SEL1L3: variants seen among roughly 807,000 people sequenced by gnomAD.
The protein encoded by SEL1L3 is SEL1L family member 3.
A neutral mutation model predicts 142.8 loss-of-function variants in SEL1L3; 76 were observed. That is an observed-to-expected ratio of 0.53 (90% CI 0.44 to 0.64). The LOEUF is 0.64. Among genes scored for constraint, SEL1L3 ranks in the 30% least tolerant of loss-of-function variants. The pLI is 0.00. For missense variants in SEL1L3, 1,262 were observed against 1,381.7 expected (o/e 0.91, Z 1.37); for synonymous variants, 504 against 519.6 (o/e 0.97, Z 0.41).
chr4:25,782,461 A>G, intron 14 of SEL1L3, 43 bp from the exon 15 acceptor site: 1 of 1,552,700 alleles, frequency 6.4e-7, no homozygotes, highest in Middle Eastern at 1.7e-4. Flanking sequence ...AGAAAAATGA[A>G]ATCTAGAGAG....
At position 25,821,258 on chromosome 4, in the gene SEL1L3, G is replaced by C. The variant is rs1168963700; in HGVS notation, c.1290+738C>G. On this transcript the variant is annotated intron_variant, in intron 7 of 23. Transcript: ENST00000399878. ...CCCCATTTTTCCTGATTATGACTTT[G>C]CCTAGTGACCCCTGTTTTTCTCAGA... is the stretch of plus-strand genomic sequence containing the variant. Among the ~76,000 whole-genome samples the C allele has an allele frequency of 3.3e-5, 5 of 152,206 alleles. No homozygotes were observed. The East Asian group carries it at 9.6e-4, about 29-fold the overall frequency.
intron 4 of SEL1L3, 67 bp downstream of exon 4, chr4:25,833,381 A>G (rs955778824): frequency 8.3e-6 from 12 of 1,450,010 alleles, no homozygotes; most frequent in Non-Finnish European, 9.5e-6. Flanking sequence ...CTAGACAGAC[A>G]TATCTGTCAC....
rs111780503 is a variant in SEL1L3 at position 25,833,985 on chromosome 4, T to A, written c.861-416A>T. 9.8e-3 allele frequency among the ~76,000 whole-genome samples: 1,488 copies of A among 152,352 alleles called. 24 individuals carry two copies. The highest frequency in any genetic ancestry group is 0.034 in the African/African-American group (1,408 of 41,590). On this transcript the variant is annotated intron_variant, in intron 3 of 23. Transcript: ENST00000399878. Reference sequence around the variant, plus strand: ...AAAAGAAAAAACATAATTAGAGCCTTTTGAGCAATTTTGTTCCTTTCACAG... The same window carrying A: ...AAAAGAAAAAACATAATTAGAGCCTATTGAGCAATTTTGTTCCTTTCACAG...
intron 2 of SEL1L3, among the ~76,000 whole-genome samples, chr4:25,845,076 G>A (rs1716424504): frequency 6.6e-6 from 1 of 152,222 alleles, no homozygotes; most frequent in Non-Finnish European, 1.5e-5. Flanking sequence ...GGTAAAATCT[G>A]AGTAAGGTCT....
At chr4:25,811,411 G>A (rs1217475179) in intron 9 of SEL1L3, among the ~76,000 whole-genome samples, 1 of 152,174 alleles carries the variant, frequency 6.6e-6, no homozygotes, top group East Asian at 1.9e-4. Context: ...GAGGAAACAG[G>A]CTGAGGGAGA....
intron 1 of SEL1L3, among the ~76,000 whole-genome samples, chr4:25,855,685 T>G (rs1159178435): frequency 6.6e-6 from 1 of 151,764 alleles, no homozygotes; most frequent in African/African-American, 2.4e-5. Flanking sequence ...CACTTGAAAC[T>G]GGGAGGTGGA....
At position 25,849,103 on chromosome 4, in the gene SEL1L3, C is replaced by T. The variant is rs1156676210; in HGVS notation, c.163-1239G>A. On this transcript the variant is annotated intron_variant, in intron 1 of 23. Transcript: ENST00000399878. ...GCAGTGAGCCAAGATCACACCACTGCACTCCACCCTGGGCAACAGAGTGAG... is the reference window on the plus strand; with the variant it reads ...GCAGTGAGCCAAGATCACACCACTGTACTCCACCCTGGGCAACAGAGTGAG... 5.9e-5 allele frequency among the ~76,000 whole-genome samples: 9 copies of T among 152,332 alleles called. No individual in the cohort carries two copies. In the East Asian group the frequency reaches 1.7e-3, roughly 29 times the overall value.
At chr4:25,804,111 C>T (rs527641579) in intron 10 of SEL1L3, among the ~76,000 whole-genome samples, 3 of 152,336 alleles carry the variant, frequency 2.0e-5, no homozygotes, top group South Asian at 2.1e-4. Context: ...ATGAAGCCGT[C>T]TGGTATGGCG....
In SEL1L3 at chr4:25,862,703, G is replaced by A; in HGVS notation, c.134C>T (p.Ala45Val). 1 of 1,302,160 alleles carries A rather than the reference G, an allele frequency of 7.7e-7. No individual in the cohort carries two copies. The highest frequency in any genetic ancestry group is 2.2e-5 in the South Asian group (1 of 45,844). The allele number at this position is 1,302,160 out of a possible 1,614,324, so 80.7% of individuals were successfully genotyped here. A position where few individuals can be genotyped will look rare whatever the true frequency, so the allele number is the denominator to read the frequency against. Reference sequence around the variant, plus strand: ...GTAGCAGAGCAGGAGCAGCGCGCAGGCAGAGCGGCCGCCGAGGCCCTGGGG... The same window carrying A: ...GTAGCAGAGCAGGAGCAGCGCGCAGACAGAGCGGCCGCCGAGGCCCTGGGG... Reference protein sequence around the residue: ...GVPQGLGGRSACALLLLCYLN... With the variant: ...GVPQGLGGRSVCALLLLCYLN... Residue 45 changes from alanine to valine, a missense_variant, in exon 1 of 24, where the codon GCC becomes GTC. By Grantham distance (64) the Ala-to-Val change is moderately conservative (BLOSUM62 0). Around this residue, in one of 3 missense-constraint regions of SEL1L3, gnomAD observed 689 missense variants for 692.8 expected, o/e 0.99. Coordinates refer to ENST00000399878, the MANE Select transcript of SEL1L3 (RefSeq NM_015187.5).
the SEL1L3 span, among the ~76,000 whole-genome samples, chr4:25,728,802 G>A: frequency 6.6e-6 from 1 of 151,316 alleles, no homozygotes; most frequent in African/African-American, 2.4e-5. Context: ...GAGCCCGGGA[G>A]GCAGAGGCTG....
chr4:25,811,875 A>G (rs1057184531), intron 9 of SEL1L3, among the ~76,000 whole-genome samples: 3 of 152,078 alleles, frequency 2.0e-5, no homozygotes, highest in Non-Finnish European at 2.9e-5. Flanking sequence ...TTAAAATGCA[A>G]TGCTTTTATA....
intron 20 of SEL1L3, 55 bp from the exon 21 acceptor site, chr4:25,759,123 C>T (rs945429951): frequency 1.3e-6 from 2 of 1,578,364 alleles, no homozygotes; most frequent in African/African-American, 1.4e-5. Flanking sequence ...AACCTAGACA[C>T]ACACTCTTCA....
chr4:25,739,227 CA>C, the SEL1L3 span, among the ~76,000 whole-genome samples: 3 of 151,188 alleles, frequency 2.0e-5, no homozygotes, highest in African/African-American at 7.3e-5. Flanking sequence ...AAAACAAAAA[CA>C]ACAACAACAA....
chr4:25,800,114 C>A (rs944926210), intron 11 of SEL1L3, among the ~76,000 whole-genome samples: 2 of 152,130 alleles, frequency 1.3e-5, no homozygotes, highest in Non-Finnish European at 2.9e-5. Context: ...ATGATGTGAA[C>A]CACGAGTTAC....
At chr4:25,714,488 CTCTTTCTTTCTTTTTCTTTCTT>C in the SEL1L3 span, among the ~76,000 whole-genome samples, 7,455 of 138,216 alleles carry the variant, frequency 0.054, 229 homozygotes, top group Middle Eastern at 0.08. Context: ...TTCTTTCTTT[CTCTTTCTTTCTTTTTCTTTCTT>C]TCTTTCTTTC....
Position 25,790,242 on chromosome 4 carries a change from T to C in SEL1L3, c.2076+213A>G, listed in dbSNP as rs544233621. Among the ~76,000 whole-genome samples, 9 of 152,338 alleles carry C rather than the reference T, an allele frequency of 5.9e-5. No individual in the cohort carries two copies. The East Asian group carries it at 1.2e-3, about 20-fold the overall frequency. On this transcript the variant is annotated intron_variant, in intron 12 of 23. Coordinates refer to ENST00000399878, the MANE Select transcript of SEL1L3 (RefSeq NM_015187.5). ...TAAGGCGCTATGGCCATGGCCCGAC[T>C]GTAATGGTTTTGGAAACCTCTGTCA... is the stretch of plus-strand genomic sequence containing the variant.
At chr4:25,800,778 A>G (rs16877565) in intron 11 of SEL1L3, among the ~76,000 whole-genome samples, 1,767 of 152,330 alleles carry the variant, frequency 0.012, 29 homozygotes, top group African/African-American at 0.038. Flanking sequence ...TTCAGAAGGA[A>G]TCATTATTTT....
intron 14 of SEL1L3, 53 bp from the exon 15 acceptor site, chr4:25,782,471 G>T: frequency 6.8e-7 from 1 of 1,480,730 alleles, no homozygotes; most frequent in Non-Finnish European, 9.2e-7. Context: ...AATCTAGAGA[G>T]CTCTGGAAGC....
At chr4:25,797,777 C>T (rs1039573299) in intron 11 of SEL1L3, among the ~76,000 whole-genome samples, 1 of 152,222 alleles carries the variant, frequency 6.6e-6, no homozygotes, top group Non-Finnish European at 1.5e-5. Context: ...AGGCAGAGTG[C>T]TGGGCCCCGG....
Sources: allele counts gnomAD v4.1 joint callset (sites outside exome capture counted in the v4.1 genomes callset), GRCh38; gene constraint gnomAD v4.1.1; regional missense constraint gnomAD v4.1.1; transcripts MANE v1.5; gene names NCBI Gene and HGNC (gene_info 2026-07-23, HGNC 2026-07-21).